The following EEF2K variants were observed in gnomAD, a reference collection of about 807,000 sequenced individuals.
EEF2K encodes the protein alternative protein EEF2K.
A neutral mutation model predicts 93.8 loss-of-function variants in EEF2K; 70 were observed. That is an observed-to-expected ratio of 0.75 (90% CI 0.62 to 0.91). EEF2K has a LOEUF of 0.91. Among genes scored for constraint, EEF2K ranks in the 40% least tolerant of loss-of-function variants. The pLI is 0.00. For missense variants in EEF2K, 935 were observed against 972.9 expected, an observed-to-expected ratio of 0.96 and a Z score of 0.52; for synonymous variants, 376 against 380.8, an observed-to-expected ratio of 0.99 and a Z score of 0.15.
chr16:22,208,326 C>A (rs938508461), intron 1 of EEF2K, among the ~76,000 whole-genome samples: 6 of 152,128 alleles, frequency 3.9e-5, no homozygotes, highest in Non-Finnish European at 7.4e-5. Flanking sequence ...AGTTTGAGAC[C>A]AGCCTGGCCA....
chr16:22,266,280 C>T (rs2047516873), intron 13 of EEF2K, 110 bp from the exon 14 acceptor site: 1 of 1,438,342 alleles, frequency 7.0e-7, no homozygotes, highest in Non-Finnish European at 9.3e-7. Flanking sequence ...CGTGAGGGTT[C>T]ACTCCCCATC....
In EEF2K at chr16:22,263,213, C is replaced by T. The variant is rs140107430; in HGVS notation, c.1377+26C>T. 7.7e-4 allele frequency: 1,236 copies of T among 1,595,468 alleles called. 6 individuals carry two copies. In the African/African-American group the frequency reaches 0.013, roughly 17 times the overall value. Reference sequence around the variant, plus strand: ...GTAAGGAACCCCCAGGAAATGAGACCGGTGTCACCTGTTGCCTTGTTTATC... The same window carrying T: ...GTAAGGAACCCCCAGGAAATGAGACTGGTGTCACCTGTTGCCTTGTTTATC... On this transcript the variant is annotated intron_variant, in intron 12 of 17. Transcript: ENST00000263026.
intron 2 of EEF2K, among the ~76,000 whole-genome samples, chr16:22,233,635 G>T (rs2047138365): frequency 6.6e-6 from 1 of 152,132 alleles, no homozygotes; most frequent in African/African-American, 2.4e-5. Flanking sequence ...TGCAGTGAGA[G>T]ATTGCACCAC....
intron 1 of EEF2K, among the ~76,000 whole-genome samples, 185 bp downstream of exon 1, chr16:22,206,864 T>G (rs1306190459): frequency 1.3e-5 from 2 of 152,148 alleles, no homozygotes; most frequent in African/African-American, 4.8e-5. Flanking sequence ...TGGGGCTAAG[T>G]GCTTGCTTTG....
chr16:22,250,626 T>A (rs754341525), intron 4 of EEF2K, 28 bp from the exon 5 acceptor site: 1 of 1,614,168 alleles, frequency 6.2e-7, no homozygotes, highest in Non-Finnish European at 8.5e-7. Context: ...GCATGGGGAC[T>A]GATAACACTC....
In EEF2K at chr16:22,225,957, A is replaced by G; in HGVS notation, c.228A>G (p.Ala76=). ...GGTATAGCTCCAGCGGGTCCCCGGCAAACTCCTTCCACTTCAAGGTGAGTG... is the reference window on the plus strand; with the variant it reads ...GGTATAGCTCCAGCGGGTCCCCGGCGAACTCCTTCCACTTCAAGGTGAGTG... ...SERYSSSGSP[A]NSFHFKEAWK... The change falls in exon 2 of 18, where the codon GCA becomes GCG. Residue 76 remains alanine, a synonymous_variant. Transcript: ENST00000263026. 2.5e-6 allele frequency: 4 copies of G among 1,614,112 alleles called. No homozygotes were observed. The highest frequency in any genetic ancestry group is 1.3e-5 in the African/African-American group (1 of 75,042).
At chr16:22,219,997 A>G (rs1297800469) in intron 1 of EEF2K, among the ~76,000 whole-genome samples, 2 of 152,172 alleles carry the variant, frequency 1.3e-5, no homozygotes, top group African/African-American at 4.8e-5. Context: ...AGTCCTTCTT[A>G]TATCCCATTG....
In EEF2K at chr16:22,256,709, C is replaced by A. The variant is rs771638359; in HGVS notation, c.619-39C>A. 2.6e-5 allele frequency: 41 copies of A among 1,603,012 alleles called. No individual in the cohort carries two copies. In the East Asian group the frequency reaches 5.8e-4, roughly 23 times the overall value. Reference sequence around the variant, plus strand: ...TTGCCGCTTCTCAGAGGAGGTGCGCCTGGGCCCTCCCGCCTGAGCCCACTC... The same window carrying A: ...TTGCCGCTTCTCAGAGGAGGTGCGCATGGGCCCTCCCGCCTGAGCCCACTC... On this transcript the variant is annotated intron_variant, in intron 6 of 17. Coordinates refer to ENST00000263026, the MANE Select transcript of EEF2K (RefSeq NM_013302.5).
intron 1 of EEF2K, among the ~76,000 whole-genome samples, chr16:22,223,975 G>C (rs930802200): frequency 7.9e-5 from 12 of 152,120 alleles, no homozygotes; most frequent in African/African-American, 2.9e-4. Context: ...GGGAGGCCGA[G>C]GCAGGCGGAT....
chr16:22,209,110 C>A (rs968872589), intron 1 of EEF2K, among the ~76,000 whole-genome samples: 3 of 152,156 alleles, frequency 2.0e-5, no homozygotes, highest in African/African-American at 7.2e-5. Flanking sequence ...CTCACTGCAA[C>A]CTCTGCCTCC....
chr16:22,256,355 C>T (rs1331306375), intron 6 of EEF2K, among the ~76,000 whole-genome samples: 1 of 152,102 alleles, frequency 6.6e-6, no homozygotes, highest in Non-Finnish European at 1.5e-5. Flanking sequence ...ACCTTGGCCT[C>T]CCAAAGGGCT....
intron 2 of EEF2K, among the ~76,000 whole-genome samples, chr16:22,241,054 C>T (rs2047217429): frequency 6.6e-6 from 1 of 152,056 alleles, no homozygotes; most frequent in Non-Finnish European, 1.5e-5. Flanking sequence ...AGGTGTGAGC[C>T]ACCGCGCCCG....
intron 10 of EEF2K, 69 bp from the exon 11 acceptor site, chr16:22,260,393 G>C: frequency 6.3e-7 from 1 of 1,576,236 alleles, no homozygotes; most frequent in Non-Finnish European, 8.7e-7. Flanking sequence ...ACCGCCCTAG[G>C]CCGTGGGTTG....
intron 6 of EEF2K, 35 bp downstream of exon 6, chr16:22,251,357 C>G (rs1406568801): frequency 1.9e-6 from 3 of 1,610,118 alleles, no homozygotes; most frequent in Non-Finnish European, 2.5e-6. Context: ...CTTTCCATGC[C>G]AGGGCAGCTG....
chr16:22,267,307 C>T (rs1352020876), intron 15 of EEF2K, among the ~76,000 whole-genome samples: 1 of 152,042 alleles, frequency 6.6e-6, no homozygotes, highest in South Asian at 2.1e-4. Context: ...GGGATACCTA[C>T]CTCAGGCCAG....
intron 16 of EEF2K, among the ~76,000 whole-genome samples, chr16:22,279,888 C>G (rs554452236): frequency 2.0e-5 from 3 of 152,190 alleles, no homozygotes; most frequent in Admixed American, 1.3e-4. Context: ...CCTAGCTACT[C>G]AGGAGGCTGA....
chr16:22,281,610 C>T (rs1022021845), intron 17 of EEF2K, among the ~76,000 whole-genome samples: 1 of 152,186 alleles, frequency 6.6e-6, no homozygotes, highest in Non-Finnish European at 1.5e-5. Context: ...ACATTTCCAT[C>T]ACCCCAAAAA....
In EEF2K at chr16:22,287,642, A is replaced by G. The variant is rs1225508642; in HGVS notation, c.*3646A>G. On this transcript the variant is annotated 3_prime_UTR_variant, in exon 18 of 18. Coordinates refer to ENST00000263026, the MANE Select transcript of EEF2K (RefSeq NM_013302.5). ...GTTTAATGGCCCTTTCAGTTTTGCTATAGGCAAGAGAATAAAATGAATGAA... is the reference window on the plus strand; with the variant it reads ...GTTTAATGGCCCTTTCAGTTTTGCTGTAGGCAAGAGAATAAAATGAATGAA... 1.3e-5 allele frequency: 2 copies of G among 152,146 alleles called. No individual in the cohort carries two copies. Among genetic ancestry groups the G allele is most frequent in the South Asian group, 2.1e-4 (1 of 4,832 alleles). The allele number at this position is 152,146 out of a possible 1,614,324, so 9.4% of individuals were successfully genotyped here. A position where few individuals can be genotyped will look rare whatever the true frequency, so the allele number is the denominator to read the frequency against.
intron 14 of EEF2K, 51 bp downstream of exon 14, chr16:22,266,575 C>T: frequency 6.2e-7 from 1 of 1,605,422 alleles, no homozygotes; most frequent in Non-Finnish European, 8.5e-7. Flanking sequence ...CTGGAGCCCC[C>T]CAGCTCCAGC....
Sources: gnomAD v4.1 joint callset for allele counts (sites outside exome capture counted in the v4.1 genomes callset) on GRCh38, gnomAD v4.1.1 for gene constraint, MANE v1.5 for transcripts, NCBI Gene and HGNC (gene_info 2026-07-23, HGNC 2026-07-21) for gene names.